Variants in SNX18 observed in about 807,000 individuals in gnomAD.
The protein encoded by SNX18 is sorting nexin 18, also known as sorting nexin-18.
A neutral mutation model predicts 48.7 loss-of-function variants in SNX18; 35 were observed. That is an observed-to-expected ratio of 0.72 (90% CI 0.55 to 0.95). The LOEUF (loss-of-function observed/expected upper bound fraction) is 0.95. SNX18 is among the 40% of genes least tolerant of loss of function. The pLI is 0.00. For missense variants in SNX18, 824 were observed against 871.0 expected, an observed-to-expected ratio of 0.95 and a Z score of 0.68; for synonymous variants, 492 against 384.7, an observed-to-expected ratio of 1.28 and a Z score of -3.26.
the SNX18 span, among the ~76,000 whole-genome samples, chr5:54,624,171 G>C: frequency 6.6e-6 from 1 of 152,106 alleles, no homozygotes; most frequent in African/African-American, 2.4e-5. Flanking sequence ...TCAATCAATT[G>C]CATACTATAT....
the SNX18 span, among the ~76,000 whole-genome samples, chr5:54,555,378 CT>C: frequency 0.012 from 1,795 of 144,372 alleles, 41 homozygotes; most frequent in Admixed American, 0.058. Flanking sequence ...GCATACCTTT[CT>C]TTTTTTTTTT....
the SNX18 span, among the ~76,000 whole-genome samples, chr5:54,616,806 C>A: frequency 6.6e-6 from 1 of 152,050 alleles, no homozygotes; most frequent in Non-Finnish European, 1.5e-5. Flanking sequence ...AGAATAAAAG[C>A]AAACACAATG....
chr5:54,518,462 T>C lies in SNX18; in HGVS notation c.510T>C (p.Ala170=), dbSNP rs1257050817. 3 of 1,571,326 alleles carry C rather than the reference T, an allele frequency of 1.9e-6. No individual in the cohort carries two copies. Among genetic ancestry groups the C allele is most frequent in the Non-Finnish European group, 1.7e-6 (2 of 1,159,150 alleles). Residue 170 remains alanine, a synonymous_variant, in exon 1 of 2, where the codon GCT becomes GCC. Coordinates refer to ENST00000381410, the MANE Select transcript of SNX18 (RefSeq NM_001102575.2). ...DSSTVADEPG[A]LGSGAYPDLD... ...CCACGGTGGCGGACGAGCCGGGCGC[T>C]CTGGGCAGCGGAGCATACCCGGACC...
the SNX18 span, among the ~76,000 whole-genome samples, chr5:54,560,276 C>T: frequency 3.3e-5 from 5 of 152,212 alleles, no homozygotes; most frequent in South Asian, 2.1e-4. Flanking sequence ...TACATACACA[C>T]CGTAGAATAC....
chr5:54,589,714 A>T, the SNX18 span, among the ~76,000 whole-genome samples: 2 of 152,174 alleles, frequency 1.3e-5, no homozygotes, highest in African/African-American at 2.4e-5. Context: ...TGCTGCTCTA[A>T]TATTACTTCT....
chr5:54,604,480 G>A, the SNX18 span, among the ~76,000 whole-genome samples: 1 of 152,160 alleles, frequency 6.6e-6, no homozygotes, highest in South Asian at 2.1e-4. Context: ...AATAAACCGT[G>A]ACAACATTAT....
the SNX18 span, among the ~76,000 whole-genome samples, chr5:54,633,480 C>T: frequency 6.6e-6 from 1 of 152,078 alleles, no homozygotes; most frequent in Non-Finnish European, 1.5e-5. Flanking sequence ...CATAGGACCC[C>T]ACAAGGGAAT....
At chr5:54,607,165 C>T in the SNX18 span, among the ~76,000 whole-genome samples, 1 of 152,168 alleles carries the variant, frequency 6.6e-6, no homozygotes, top group Non-Finnish European at 1.5e-5. Context: ...TTATACCCCA[C>T]TCTTCTCATT....
At chr5:54,531,521 A>G (rs1009530407) in intron 1 of SNX18, among the ~76,000 whole-genome samples, 1 of 152,212 alleles carries the variant, frequency 6.6e-6, no homozygotes, top group African/African-American at 2.4e-5. Context: ...CTAAATGCTG[A>G]TAGATGTTAG....
At chr5:54,627,444 G>A in the SNX18 span, among the ~76,000 whole-genome samples, 2 of 152,000 alleles carry the variant, frequency 1.3e-5, no homozygotes, top group African/African-American at 4.8e-5. Flanking sequence ...GTTTATTCAC[G>A]TATTTAATAC....
At chr5:54,596,775 C>T in the SNX18 span, among the ~76,000 whole-genome samples, 534 of 152,304 alleles carry the variant, frequency 3.5e-3, 5 homozygotes, top group African/African-American at 0.012. Context: ...TACAGCATTG[C>T]AGCCATCAGA....
At chr5:54,612,679 T>G in the SNX18 span, among the ~76,000 whole-genome samples, 2 of 152,234 alleles carry the variant, frequency 1.3e-5, no homozygotes, top group Non-Finnish European at 2.9e-5. Context: ...CAAGGCATGG[T>G]GCAGCTGATC....
intron 1 of SNX18, among the ~76,000 whole-genome samples, chr5:54,532,238 T>C (rs1289679169): frequency 6.6e-6 from 1 of 152,104 alleles, no homozygotes; most frequent in Non-Finnish European, 1.5e-5. Flanking sequence ...GTTCACTCTT[T>C]GGTACAGATA....
chr5:54,543,649 T>C lies in SNX18; in HGVS notation c.*217T>C. The C allele has an allele frequency of 3.8e-6, 2 of 531,156 alleles. No homozygotes were observed. The allele number at this position is 531,156 out of a possible 1,614,324, so 32.9% of individuals were successfully genotyped here. A position where few individuals can be genotyped will look rare whatever the true frequency, so the allele number is the denominator to read the frequency against. The stretch of plus-strand genomic sequence containing the variant: ...ACCACACATTGTAACTAAATTATAC[T>C]ATGTATGCCTACACTACCATTGTAA... On this transcript the variant is annotated 3_prime_UTR_variant, in exon 2 of 2. Transcript: ENST00000381410.
chr5:54,534,725 A>AG (rs1762319993), intron 1 of SNX18, among the ~76,000 whole-genome samples: 1 of 151,352 alleles, frequency 6.6e-6, no homozygotes, highest in South Asian at 2.1e-4. Context: ...AGAAATTTCC[A>AG]GGAAAGTTGT....
the SNX18 span, among the ~76,000 whole-genome samples, chr5:54,606,073 C>G: frequency 6.6e-6 from 1 of 152,128 alleles, no homozygotes; most frequent in Non-Finnish European, 1.5e-5. Context: ...GAAAATCATA[C>G]TTTTATATTG....
At chr5:54,555,125 T>C in the SNX18 span, among the ~76,000 whole-genome samples, 1 of 152,210 alleles carries the variant, frequency 6.6e-6, no homozygotes, top group African/African-American at 2.4e-5. Flanking sequence ...CTTCTTTGTC[T>C]GGCTGAATCC....
the SNX18 span, among the ~76,000 whole-genome samples, chr5:54,597,792 A>C: frequency 2.4e-4 from 36 of 151,782 alleles, no homozygotes; most frequent in East Asian, 6.8e-3. Flanking sequence ...AACTAGAAAG[A>C]TCTCAAATCT....
chr5:54,533,367 A>T (rs1762286136), intron 1 of SNX18, among the ~76,000 whole-genome samples: 1 of 152,200 alleles, frequency 6.6e-6, no homozygotes, highest in Non-Finnish European at 1.5e-5. Flanking sequence ...CCCACTTAGT[A>T]TGAATCCATG....
Sources: allele counts gnomAD v4.1 joint callset (sites outside exome capture counted in the v4.1 genomes callset), GRCh38; gene constraint gnomAD v4.1.1; transcripts MANE v1.5; gene names NCBI Gene and HGNC (gene_info 2026-07-23, HGNC 2026-07-21).